GRIA4: variants seen among roughly 807,000 people sequenced by gnomAD.
GRIA4 encodes glutamate receptor 4.
Under a neutral mutation model 104.0 loss-of-function variants are expected in GRIA4, and 34 were observed. That is an observed-to-expected ratio of 0.33 (90% CI 0.25 to 0.44). The LOEUF (loss-of-function observed/expected upper bound fraction) is 0.44. Among genes scored for constraint, GRIA4 ranks in the 20% least tolerant of loss-of-function variants. GRIA4 has a pLI of 1.00. For missense variants in GRIA4, 750 were observed against 1,096.5 expected, an observed-to-expected ratio of 0.68 and a Z score of 4.46; for synonymous variants, 386 against 381.9, an observed-to-expected ratio of 1.01 and a Z score of -0.13.
At chr11:105,921,306 GGTGTGTGTGTGTGTGTGTGTGTGT>G (rs5794436) in intron 11 of GRIA4, among the ~76,000 whole-genome samples, 1 of 138,768 alleles carries the variant, frequency 7.2e-6, no homozygotes, top group South Asian at 2.4e-4. Flanking sequence ...ACCACACTTG[GGTGTGTGTGTGTGTGTGTGTGTGT>G]GTGTGTGTGT....
chr11:105,978,812 T>C (rs958994551), intron 16 of GRIA4, among the ~76,000 whole-genome samples: 3 of 152,190 alleles, frequency 2.0e-5, no homozygotes, highest in African/African-American at 7.2e-5. Flanking sequence ...CAGTGCCTGT[T>C]TCTCCTTTGT....
At chr11:105,658,267 G>A (rs1201637499) in intron 3 of GRIA4, among the ~76,000 whole-genome samples, 7 of 151,636 alleles carry the variant, frequency 4.6e-5, no homozygotes, top group African/African-American at 1.5e-4. Flanking sequence ...TGAGTTTGCT[G>A]CTTGCCATGA....
intron 3 of GRIA4, among the ~76,000 whole-genome samples, chr11:105,645,016 G>C (rs1485471406): frequency 6.6e-6 from 1 of 152,058 alleles, no homozygotes; most frequent in African/African-American, 2.4e-5. Flanking sequence ...TCCAGCTCTT[G>C]ACCTCCACCC....
chr11:105,712,380 A>T (rs1345375478), intron 3 of GRIA4, among the ~76,000 whole-genome samples: 1 of 151,988 alleles, frequency 6.6e-6, no homozygotes, highest in Non-Finnish European at 1.5e-5. Context: ...GGATAAACTC[A>T]AGAAAAGTGA....
intron 3 of GRIA4, among the ~76,000 whole-genome samples, chr11:105,651,769 T>A (rs1258197049): frequency 1.3e-5 from 2 of 152,090 alleles, no homozygotes; most frequent in Non-Finnish European, 2.9e-5. Flanking sequence ...TAGCCTATTG[T>A]CATTTATCAT....
At chr11:105,797,257 A>G (rs1314064083) in intron 4 of GRIA4, among the ~76,000 whole-genome samples, 1 of 152,084 alleles carries the variant, frequency 6.6e-6, no homozygotes, top group Non-Finnish European at 1.5e-5. Flanking sequence ...AAAAAAGGAA[A>G]TAGTATAGCA....
rs1259520529 is a variant in GRIA4 at position 105,853,403 on chromosome 11, T to G, written c.488-8621T>G. ...GGCTACCTTAGGATATCTCTAAAGG[T>G]ATTCCTGCTGAGATATGTGGGACTC... On this transcript the variant is annotated intron_variant, in intron 4 of 16. Coordinates refer to ENST00000282499, the MANE Select transcript of GRIA4 (RefSeq NM_000829.4). 3.9e-5 allele frequency among the ~76,000 whole-genome samples: 6 copies of G among 152,132 alleles called. No homozygotes were observed. In the South Asian group the frequency reaches 1.2e-3, roughly 31 times the overall value.
intron 3 of GRIA4, among the ~76,000 whole-genome samples, chr11:105,637,008 G>C (rs922108933): frequency 7.9e-5 from 12 of 152,234 alleles, no homozygotes; most frequent in African/African-American, 2.9e-4. Flanking sequence ...AATGATTTTA[G>C]TGATATTGTT....
At chr11:105,853,012 T>A (rs1237975013) in intron 4 of GRIA4, among the ~76,000 whole-genome samples, 2 of 127,436 alleles carry the variant, frequency 1.6e-5, no homozygotes, top group African/African-American at 5.5e-5. Flanking sequence ...ATACTTAATA[T>A]GTTGTGTAAC....
rs866269713 is a variant in GRIA4 at position 105,933,885 on chromosome 11, G to C, written c.2210G>C (p.Arg737Pro). The part of the protein sequence containing the change: ...ESTMNEYIEQ[R>P]KPCDTMKVGG... ...ACTATGAATGAATACATTGAGCAGC[G>C]AAAGCCATGTGACACGATGAAAGTG... The change falls in exon 14 of 17, where the codon CGA (arginine) becomes CCA (proline). Residue 737 changes from arginine to proline, a missense_variant. Arg to Pro is a moderately radical substitution (Grantham distance 103). Around this residue, in one of 3 missense-constraint regions of GRIA4, gnomAD observed 272 missense variants for 524.5 expected, o/e 0.52. Coordinates refer to ENST00000282499, the MANE Select transcript of GRIA4 (RefSeq NM_000829.4). 3 of 1,613,378 alleles carry C rather than the reference G, an allele frequency of 1.9e-6. No individual in the cohort carries two copies. Among genetic ancestry groups the C allele is most frequent in the Non-Finnish European group, 2.5e-6 (3 of 1,179,488 alleles).
intron 14 of GRIA4, among the ~76,000 whole-genome samples, chr11:105,960,467 G>A (rs1408830929): frequency 3.3e-5 from 5 of 152,204 alleles, no homozygotes; most frequent in Non-Finnish European, 7.3e-5. Flanking sequence ...AGTCTTGGGA[G>A]CAAGCTGTCC....
chr11:105,962,228 A>C (rs940502748), intron 14 of GRIA4, among the ~76,000 whole-genome samples: 21 of 152,196 alleles, frequency 1.4e-4, no homozygotes, highest in Non-Finnish European at 1.5e-5. Flanking sequence ...ATAAAAGCAT[A>C]TCCAGATCTA....
Position 105,768,576 on chromosome 11 carries a change from G to C in GRIA4, c.487+15356G>C, listed in dbSNP as rs7115503. Among the ~76,000 whole-genome samples the C allele has an allele frequency of 1.9e-3, 291 of 152,084 alleles. 2 individuals carry two copies. The highest frequency in any genetic ancestry group is 6.6e-3 in the African/African-American group (276 of 41,510). On this transcript the variant is annotated intron_variant, in intron 4 of 16. Coordinates refer to ENST00000282499, the MANE Select transcript of GRIA4 (RefSeq NM_000829.4). ...TATACTCAGTACCTTTTCACAAATA[G>C]AACTCACCTGCTACTTTTCTATTAG... is the stretch of plus-strand genomic sequence containing the variant.
chr11:105,815,550 T>C (rs545690296), intron 4 of GRIA4, among the ~76,000 whole-genome samples: 1 of 152,174 alleles, frequency 6.6e-6, no homozygotes, highest in South Asian at 2.1e-4. Context: ...GCTTTCTGAG[T>C]CTTTTATGCT....
intron 3 of GRIA4, among the ~76,000 whole-genome samples, chr11:105,668,748 T>C (rs551220998): frequency 1.3e-4 from 20 of 150,920 alleles, no homozygotes; most frequent in Non-Finnish European, 3.0e-4. Flanking sequence ...TGCAAATAGT[T>C]TCTCCCTCCC....
intron 16 of GRIA4, 123 bp downstream of exon 16, chr11:105,974,567 AG>A (rs1353651083): frequency 6.2e-7 from 1 of 1,610,518 alleles, no homozygotes; most frequent in East Asian, 2.2e-5. Context: ...GGTAGGACTT[AG>A]GCCCGACTAC....
intron 4 of GRIA4, among the ~76,000 whole-genome samples, chr11:105,847,696 G>C (rs1944649681): frequency 6.6e-6 from 1 of 152,150 alleles, no homozygotes; most frequent in African/African-American, 2.4e-5. Flanking sequence ...TTTAGACAAA[G>C]CTAGAACTTC....
chr11:105,841,535 G>T (rs1167693861), intron 4 of GRIA4, among the ~76,000 whole-genome samples: 4 of 150,866 alleles, frequency 2.7e-5, no homozygotes, highest in South Asian at 2.1e-4. Flanking sequence ...GGGAAGCTGG[G>T]TTTTTTTTTC....
intron 3 of GRIA4, among the ~76,000 whole-genome samples, chr11:105,662,296 T>C (rs952082893): frequency 1.3e-5 from 2 of 151,896 alleles, no homozygotes; most frequent in African/African-American, 4.8e-5. Context: ...CATGTATCTC[T>C]AACTGGCAAA....
Sources: allele counts gnomAD v4.1 joint callset (sites outside exome capture counted in the v4.1 genomes callset), GRCh38; gene constraint gnomAD v4.1.1; regional missense constraint gnomAD v4.1.1; transcripts MANE v1.5; gene names NCBI Gene and HGNC (gene_info 2026-07-23, HGNC 2026-07-21).